POMGNT1: variants seen among roughly 807,000 people sequenced by gnomAD.
POMGNT1 encodes the protein protein O-linked-mannose beta-1,2-N-acetylglucosaminyltransferase 1.
POMGNT1 carries 67 observed loss-of-function variants against 95.6 expected under a neutral mutation model. That is an observed-to-expected ratio of 0.70 (90% CI 0.58 to 0.86). POMGNT1 has a LOEUF of 0.86. Among genes scored for constraint, POMGNT1 ranks in the 40% least tolerant of loss-of-function variants. The probability of loss-of-function intolerance (pLI) is 0.00; values close to 1 mark genes in which losing one functional copy is unlikely to be tolerated. For synonymous variants in POMGNT1, 298 were observed against 317.9 expected (o/e 0.94, Z 0.66); for missense variants, 719 against 855.2 (o/e 0.84, Z 1.99).
At chr1:46,206,438 C>T (rs1658719414) in intron 1 of POMGNT1, among the ~76,000 whole-genome samples, 1 of 152,090 alleles carries the variant, frequency 6.6e-6, no homozygotes, top group Admixed American at 6.6e-5. Flanking sequence ...AGGACCCCAG[C>T]GCTGGGCAGA....
At chr1:46,208,862 TAAAA>T (rs1369035081) in intron 1 of POMGNT1, among the ~76,000 whole-genome samples, 6 of 151,282 alleles carry the variant, frequency 4.0e-5, no homozygotes, top group Non-Finnish European at 7.4e-5. Flanking sequence ...AATAAATAAA[TAAAA>T]TAAATAAAAG....
chr1:46,189,373 A>C lies in POMGNT1; in HGVS notation c.1896-16T>G. The C allele has an allele frequency of 6.2e-7, 1 of 1,614,058 alleles. No homozygotes were observed. Among genetic ancestry groups the C allele is most frequent in the Non-Finnish European group, 8.5e-7 (1 of 1,180,028 alleles). The stretch of plus-strand genomic sequence containing the variant: ...CTTCTTCACTCTGGGAAAATAATAC[A>C]AGAATGTATAGAGAAGAAGCCATTA... On this transcript the variant is annotated splice_polypyrimidine_tract_variant and intron_variant, in intron 21 of 21. Coordinates refer to ENST00000371984, the MANE Select transcript of POMGNT1 (RefSeq NM_017739.4).
upstream of POMGNT1, among the ~76,000 whole-genome samples, chr1:46,202,920 G>GGGGGGGGT (rs1658586504): frequency 4.7e-5 from 3 of 64,514 alleles, no homozygotes; most frequent in African/African-American, 6.6e-5. Context: ...GGGGGGGGGT[G>GGGGGGGGT]GTGTGTGTGT....
intron 1 of POMGNT1, among the ~76,000 whole-genome samples, chr1:46,207,150 G>A (rs1295669139): frequency 4.0e-5 from 6 of 151,786 alleles, no homozygotes; most frequent in African/African-American, 9.7e-5. Context: ...GTACAATGTC[G>A]GTTCACTGCA....
intron 9 of POMGNT1, 99 bp downstream of exon 9, chr1:46,194,175 C>T (rs956757753): frequency 1.9e-6 from 3 of 1,604,824 alleles, no homozygotes; most frequent in Non-Finnish European, 2.6e-6. Context: ...TGGTTCTCTC[C>T]CAGGCTCAGG....
intron 1 of POMGNT1, chr1:46,219,681 C>T (rs1377756774): frequency 1.3e-6 from 2 of 1,553,406 alleles, no homozygotes. Flanking sequence ...GGACTAATTC[C>T]TTCTCCCACT....
At chr1:46,191,133 G>A in intron 17 of POMGNT1, 1 of 354,952 alleles carries the variant, frequency 2.8e-6, no homozygotes, top group Non-Finnish European at 5.5e-6. Flanking sequence ...TGGGCAAAGG[G>A]ACGGGCTGGG....
rs560861716 is a variant in POMGNT1, at chr1:46,196,864, A to G, written c.236-15T>C. ...TAGGGCCTCATCTGTGGGGTACAAC[A>G]GGTCATGGAGATAGTCTCCTCAGCA... On this transcript the variant is annotated splice_polypyrimidine_tract_variant and intron_variant, in intron 3 of 21. Transcript: ENST00000371984. This position sits in a 1 kb window ranked among gnomAD's most constrained non-coding sequence, Gnocchi z 4.4. 14 of 1,613,956 alleles carry G rather than the reference A, an allele frequency of 8.7e-6. No homozygotes were observed. The South Asian group carries it at 1.2e-4, about 14-fold the overall frequency.
chr1:46,220,001 C>T (rs760352531), exon 1 of POMGNT1: 23 of 1,614,232 alleles, frequency 1.4e-5, no homozygotes, highest in South Asian at 3.3e-5. Context: ...CTCCACGTTC[C>T]GAGATGGACT....
intron 2 of POMGNT1, 25 bp downstream of exon 2, chr1:46,197,677 G>A (rs777507838): frequency 1.2e-6 from 2 of 1,613,928 alleles, no homozygotes; most frequent in Admixed American, 3.3e-5. Context: ...GCGCTCGGTG[G>A]GGAGGGTTTG....
upstream of POMGNT1, among the ~76,000 whole-genome samples, chr1:46,203,001 T>G (rs79632186): frequency 5.5e-4 from 80 of 145,760 alleles, no homozygotes; most frequent in East Asian, 0.014. Context: ...ATTCCTCTGC[T>G]CCAGGAAGAC....
At chr1:46,212,528 G>A (rs1242093765) in intron 1 of POMGNT1, among the ~76,000 whole-genome samples, 3 of 151,222 alleles carry the variant, frequency 2.0e-5, no homozygotes, top group African/African-American at 7.3e-5. Flanking sequence ...TGATCCGCCC[G>A]CCTTGGCCTC....
At chr1:46,210,167 A>C (rs1362701836) in intron 1 of POMGNT1, among the ~76,000 whole-genome samples, 1 of 152,178 alleles carries the variant, frequency 6.6e-6, no homozygotes, top group Non-Finnish European at 1.5e-5. Context: ...CATTTGTTCA[A>C]TTGAATTAGA....
intron 17 of POMGNT1, chr1:46,191,157 A>G (rs1480582840): frequency 2.9e-6 from 1 of 342,426 alleles, no homozygotes; most frequent in Non-Finnish European, 5.7e-6. Context: ...GGAAGGAAAA[A>G]ACTACTTTGA....
intron 10 of POMGNT1, 50 bp from the exon 11 acceptor site, chr1:46,193,689 G>A: frequency 2.5e-6 from 4 of 1,612,814 alleles, no homozygotes; most frequent in Non-Finnish European, 2.5e-6. Context: ...CCTCAACTCA[G>A]GTTCCCCTGT....
At chr1:46,199,245 G>T (rs773829348), upstream of POMGNT1, among the ~76,000 whole-genome samples, 6 of 152,164 alleles carry the variant, frequency 3.9e-5, no homozygotes, top group Non-Finnish European at 8.8e-5. Flanking sequence ...GCTGGCTATA[G>T]GCGCTATTAC....
chr1:46,199,494 G>C (rs1658472699), upstream of POMGNT1, among the ~76,000 whole-genome samples: 1 of 152,172 alleles, frequency 6.6e-6, no homozygotes, highest in Admixed American at 6.6e-5. Context: ...AGAGGTGCTG[G>C]GCCCCATCCC....
At chr1:46,199,388 G>C (rs1328441175), upstream of POMGNT1, among the ~76,000 whole-genome samples, 2 of 152,238 alleles carry the variant, frequency 1.3e-5, no homozygotes, top group Admixed American at 6.5e-5. Context: ...AGAATTGCCA[G>C]GTTTAAATAA....
Position 46,193,373 on chromosome 1 carries a change from C to A in POMGNT1, c.1042G>T (p.Val348Leu). 6.2e-7 allele frequency: 1 copy of A among 1,612,940 alleles called. No homozygotes were observed. Among genetic ancestry groups the A allele is most frequent in the Non-Finnish European group, 8.5e-7 (1 of 1,179,518 alleles). ...ATGCCCCTCAGACCAAACAGTGCCA[C>A]CACATCCATGGGTTCCTGGGGGACA... Reference protein sequence around the residue: ...DGYYEEPMDVVALFGLRGIQH... With the variant: ...DGYYEEPMDVLALFGLRGIQH... The change falls in exon 12 of 22, where the codon GTG becomes TTG. Residue 348 changes from valine to leucine, a missense_variant. Val to Leu is a conservative substitution (Grantham distance 32). Coordinates refer to ENST00000371984, the MANE Select transcript of POMGNT1 (RefSeq NM_017739.4).
Sources: gnomAD v4.1 joint callset for allele counts (sites outside exome capture counted in the v4.1 genomes callset) on GRCh38, gnomAD v4.1.1 for gene constraint, Gnocchi (gnomAD v3.1) non-coding constraint, MANE v1.5 for transcripts, NCBI Gene and HGNC (gene_info 2026-07-23, HGNC 2026-07-21) for gene names.